Variants in RAD52 observed in about 807,000 individuals in gnomAD.
The protein encoded by RAD52 is DNA repair protein RAD52 homolog.
In RAD52, 47 loss-of-function variants were observed where a neutral mutation model predicts 55.5. The observed-to-expected ratio is 0.85, with a 90% confidence interval of 0.67 to 1.08. The LOEUF (loss-of-function observed/expected upper bound fraction) is 1.08, where lower values mean the gene tolerates loss of function less well. Among genes scored for constraint, RAD52 ranks in the 50% least tolerant of loss-of-function variants. The probability of loss-of-function intolerance (pLI) is 0.00; values close to 1 mark genes in which losing one functional copy is unlikely to be tolerated. For synonymous variants in RAD52, 184 were observed against 198.9 expected, an observed-to-expected ratio of 0.92 and a Z score of 0.63; for missense variants, 468 against 522.8, an observed-to-expected ratio of 0.90 and a Z score of 1.02.
At chr12:986,035 A>G (rs1264190493) in intron 1 of RAD52, among the ~76,000 whole-genome samples, 1 of 151,572 alleles carries the variant, frequency 6.6e-6, no homozygotes, top group Non-Finnish European at 1.5e-5. Flanking sequence ...CCCAGGTTCA[A>G]GTGATTCTCC....
At position 932,791 on chromosome 12, in the gene RAD52, G is replaced by A. The variant is rs762808835; in HGVS notation, c.84+184C>T. On this transcript the variant is annotated intron_variant, in intron 2 of 11. Coordinates refer to ENST00000358495, the MANE Select transcript of RAD52 (RefSeq NM_134424.4). ...ACTAGGTACTGCCCCCGCACGCACC[G>A]CGTCAACGTACTAGGTACTGCTCAC... Among the ~76,000 whole-genome samples, 15 of 150,372 alleles carry A rather than the reference G, an allele frequency of 1.0e-4. No individual in the cohort carries two copies. The South Asian group carries it at 1.3e-3, about 13-fold the overall frequency.
At chr12:973,867 G>C (rs1958903000) in intron 1 of RAD52, among the ~76,000 whole-genome samples, 1 of 147,824 alleles carries the variant, frequency 6.8e-6, no homozygotes, top group Non-Finnish European at 1.5e-5. Flanking sequence ...GCTATCTGTA[G>C]CCTCAACTCC....
At chr12:953,363 T>C (rs531857702), upstream of RAD52, among the ~76,000 whole-genome samples, 20 of 152,004 alleles carry the variant, frequency 1.3e-4, no homozygotes, top group Middle Eastern at 3.4e-3. Flanking sequence ...GGCAGCCCTC[T>C]GAAGATGGAG....
At chr12:961,838 G>A (rs1958690757) in intron 1 of RAD52, among the ~76,000 whole-genome samples, 1 of 152,048 alleles carries the variant, frequency 6.6e-6, no homozygotes, top group Non-Finnish European at 1.5e-5. Flanking sequence ...ACTGCAGCCT[G>A]GATGACAGAG....
At chr12:965,657 GTTTT>G (rs891994451) in intron 1 of RAD52, among the ~76,000 whole-genome samples, 1 of 151,080 alleles carries the variant, frequency 6.6e-6, no homozygotes, top group African/African-American at 2.4e-5. Flanking sequence ...TGTATTTGGG[GTTTT>G]TTTATTTTTG....
intron 1 of RAD52, 63 bp from the exon 2 acceptor site, chr12:933,139 G>A: frequency 1.7e-6 from 2 of 1,183,786 alleles, no homozygotes; most frequent in South Asian, 1.3e-5. Flanking sequence ...TAAAAGGCAA[G>A]AGCCTCTACT....
chr12:979,978 C>T (rs1022378972), intron 1 of RAD52, among the ~76,000 whole-genome samples: 9 of 151,950 alleles, frequency 5.9e-5, no homozygotes, highest in Admixed American at 5.2e-4. Flanking sequence ...ACCTGGGAGG[C>T]AGAGCTTGCA....
At chr12:965,221 GC>G (rs914590814) in intron 1 of RAD52, among the ~76,000 whole-genome samples, 9 of 151,762 alleles carry the variant, frequency 5.9e-5, no homozygotes, top group African/African-American at 2.2e-4. Flanking sequence ...TTGGTGATCC[GC>G]CCACCTCGAC....
intron 1 of RAD52, among the ~76,000 whole-genome samples, chr12:956,272 G>T (rs182867786): frequency 2.4e-4 from 36 of 152,244 alleles, no homozygotes; most frequent in Non-Finnish European, 4.4e-4. Context: ...TTAGAACCAG[G>T]TTCAGCCTCT....
At chr12:943,485 G>A (rs1406643943) in intron 1 of RAD52, among the ~76,000 whole-genome samples, 1 of 152,142 alleles carries the variant, frequency 6.6e-6, no homozygotes. Context: ...TGGGACTACA[G>A]GCACGTGCCA....
intron 1 of RAD52, among the ~76,000 whole-genome samples, chr12:970,318 C>CAAA (rs4017793): frequency 0.097 from 6,489 of 66,598 alleles, 719 homozygotes; most frequent in Non-Finnish European, 0.13. Context: ...GACATCATCT[C>CAAA]AAAAAAAAAA....
intron 1 of RAD52, among the ~76,000 whole-genome samples, chr12:933,529 A>G (rs1320163722): frequency 6.6e-6 from 1 of 151,874 alleles, no homozygotes; most frequent in Non-Finnish European, 1.5e-5. Flanking sequence ...CACTGCTCCA[A>G]TCCAGAACAG....
rs371867906 is a variant in RAD52, at chr12:936,416, T to G, written c.-18-3340A>C. ...TTTTGCCTTTTTTGCTCTTTTACTT[T>G]GAAAAAGATGTCTTACTATTCTGCT... On this transcript the variant is annotated intron_variant, in intron 1 of 11. Transcript: ENST00000358495. 1.3e-4 allele frequency among the ~76,000 whole-genome samples: 19 copies of G among 151,024 alleles called. No individual in the cohort carries two copies. In the East Asian group the frequency reaches 3.7e-3, roughly 29 times the overall value.
chr12:960,472 C>G (rs11064617), intron 1 of RAD52, among the ~76,000 whole-genome samples: 14,456 of 152,140 alleles, frequency 0.095, 769 homozygotes, highest in East Asian at 0.18. Context: ...ATGGAGAGGT[C>G]TGATTTTCTT....
At chr12:984,266 G>T (rs1959057497) in intron 1 of RAD52, among the ~76,000 whole-genome samples, 1 of 152,024 alleles carries the variant, frequency 6.6e-6, no homozygotes. Context: ...TGCAATCTCG[G>T]CTCACTGCAA....
intron 1 of RAD52, among the ~76,000 whole-genome samples, chr12:977,647 C>T (rs1017282900): frequency 6.6e-6 from 1 of 152,212 alleles, no homozygotes; most frequent in Non-Finnish European, 1.5e-5. Context: ...ACTCTAACAA[C>T]ACCAGTAGGT....
At chr12:970,795 G>A (rs915591993) in intron 1 of RAD52, among the ~76,000 whole-genome samples, 1 of 152,132 alleles carries the variant, frequency 6.6e-6, no homozygotes, top group Non-Finnish European at 1.5e-5. Context: ...GCTATTTTGG[G>A]TAGGGTATCA....
chr12:939,410 A>T (rs1205285980), intron 1 of RAD52, among the ~76,000 whole-genome samples: 1 of 152,080 alleles, frequency 6.6e-6, no homozygotes, highest in Non-Finnish European at 1.5e-5. Context: ...CCAGCCTCCC[A>T]AAGCACTGGG....
intron 1 of RAD52, among the ~76,000 whole-genome samples, chr12:959,969 G>C (rs1958661209): frequency 6.6e-6 from 1 of 152,136 alleles, no homozygotes; most frequent in African/African-American, 2.4e-5. Context: ...AAGGTCCAGA[G>C]GTGGGAAGGA....
Sources: gnomAD v4.1 joint callset for allele counts (sites outside exome capture counted in the v4.1 genomes callset) on GRCh38, gnomAD v4.1.1 for gene constraint, MANE v1.5 for transcripts, NCBI Gene and HGNC (gene_info 2026-07-23, HGNC 2026-07-21) for gene names.